Variants in AGMO observed in about 807,000 individuals in gnomAD.
AGMO encodes the protein glyceryl-ether monooxygenase.
AGMO carries 75 observed loss-of-function variants against 60.2 expected under a neutral mutation model. That is an observed-to-expected ratio of 1.25 (90% CI 1.03 to 1.51). The LOEUF is 1.51. Among genes scored for constraint, AGMO ranks in the 40% most tolerant of loss-of-function variants. The pLI, the probability that AGMO is intolerant of heterozygous loss-of-function variation, is 0.00. For synonymous variants in AGMO, 261 were observed against 177.1 expected (o/e 1.47, Z -3.76); for missense variants, 763 against 525.5 (o/e 1.45, Z -4.42).
chr7:15,323,688 C>G (rs1397780218), intron 12 of AGMO, among the ~76,000 whole-genome samples: 2 of 152,178 alleles, frequency 1.3e-5, no homozygotes, highest in Non-Finnish European at 2.9e-5. Flanking sequence ...TTTGCCAGAG[C>G]AAAGGGCTAT....
At chr7:15,336,429 G>GA (rs944902139) in intron 12 of AGMO, among the ~76,000 whole-genome samples, 31 of 142,046 alleles carry the variant, frequency 2.2e-4, no homozygotes, top group Admixed American at 3.5e-4. Flanking sequence ...AAAAAAAAAA[G>GA]AAAAAAAAAC....
intron 10 of AGMO, among the ~76,000 whole-genome samples, chr7:15,382,314 A>G (rs1011880171): frequency 6.6e-6 from 1 of 152,134 alleles, no homozygotes; most frequent in Non-Finnish European, 1.5e-5. Flanking sequence ...TTTTGTACTA[A>G]TACTGTGCTG....
At chr7:15,238,833 G>A (rs763192066) in intron 12 of AGMO, among the ~76,000 whole-genome samples, 6 of 152,000 alleles carry the variant, frequency 3.9e-5, no homozygotes, top group Non-Finnish European at 7.4e-5. Context: ...AGTATAGTCA[G>A]ATTTGAAATA....
intron 3 of AGMO, among the ~76,000 whole-genome samples, chr7:15,434,444 T>C (rs1267466511): frequency 2.0e-5 from 3 of 152,118 alleles, no homozygotes; most frequent in African/African-American, 4.8e-5. Context: ...AAGAAGACAG[T>C]AGCTTGTGTC....
At chr7:15,351,498 CCT>C (rs779531803) in intron 12 of AGMO, among the ~76,000 whole-genome samples, 5 of 151,934 alleles carry the variant, frequency 3.3e-5, no homozygotes, top group Admixed American at 2.6e-4. Context: ...TGTAAAATTG[CCT>C]CTGATTTTTA....
chr7:15,322,341 G>A (rs11772206), intron 12 of AGMO, among the ~76,000 whole-genome samples: 103,310 of 142,510 alleles, frequency 0.72, 37,656 homozygotes, highest in Admixed American at 0.83. Flanking sequence ...TGCCATACCA[G>A]TTGGGAAAAC....
rs567148075 is a variant in AGMO, at chr7:15,348,150, G to A, written c.1263+17364C>T. 2.7e-4 allele frequency among the ~76,000 whole-genome samples: 41 copies of A among 152,106 alleles called. 1 individual carries two copies. The South Asian group carries it at 7.3e-3, about 27-fold the overall frequency. ...AAGAACACAGAATCCCTATTGACAT[G>A]TAATCCAAAAGGAACAGTTTAGCAC... On this transcript the variant is annotated intron_variant, in intron 12 of 12. Coordinates refer to ENST00000342526, the MANE Select transcript of AGMO (RefSeq NM_001004320.2).
chr7:15,298,405 T>A (rs1459464735), intron 12 of AGMO, among the ~76,000 whole-genome samples: 1 of 152,090 alleles, frequency 6.6e-6, no homozygotes, highest in African/African-American at 2.4e-5. Context: ...CTGTGTGTGT[T>A]TGTTTTTGAG....
intron 6 of AGMO, among the ~76,000 whole-genome samples, chr7:15,393,554 T>G (rs896483997): frequency 1.3e-5 from 2 of 152,254 alleles, no homozygotes; most frequent in African/African-American, 4.8e-5. Flanking sequence ...GGGCTTGGGG[T>G]ACACAATGTA....
intron 12 of AGMO, among the ~76,000 whole-genome samples, chr7:15,208,614 C>G (rs1256912234): frequency 2.0e-5 from 3 of 152,112 alleles, no homozygotes; most frequent in Non-Finnish European, 4.4e-5. Context: ...TAGTGATGGG[C>G]AAACCATTCA....
At chr7:15,459,455 T>C (rs948293614) in intron 3 of AGMO, among the ~76,000 whole-genome samples, 1 of 152,136 alleles carries the variant, frequency 6.6e-6, no homozygotes, top group African/African-American at 2.4e-5. Context: ...TTCCGAATGC[T>C]CTCATTTCCT....
chr7:15,364,719 C>G (rs1312354699), intron 12 of AGMO, among the ~76,000 whole-genome samples: 1 of 151,992 alleles, frequency 6.6e-6, no homozygotes, highest in Non-Finnish European at 1.5e-5. Flanking sequence ...GGAGTTGTTT[C>G]AATTCATAAT....
chr7:15,139,129 T>C, the AGMO span, among the ~76,000 whole-genome samples: 2 of 152,216 alleles, frequency 1.3e-5, no homozygotes, highest in African/African-American at 4.8e-5. Context: ...CATGTTATTA[T>C]TCTTATCACA....
chr7:15,287,384 T>C (rs1397439239), intron 12 of AGMO, among the ~76,000 whole-genome samples: 2 of 152,184 alleles, frequency 1.3e-5, no homozygotes, highest in Non-Finnish European at 2.9e-5. Context: ...CACCGATATG[T>C]CCTCCTCACC....
At chr7:15,252,720 G>A (rs147127477) in intron 12 of AGMO, among the ~76,000 whole-genome samples, 114 of 152,332 alleles carry the variant, frequency 7.5e-4, no homozygotes, top group Middle Eastern at 3.4e-3. Context: ...TTAAGAACTT[G>A]TGATTCTTGA....
intron 12 of AGMO, among the ~76,000 whole-genome samples, chr7:15,363,831 C>T (rs112193343): frequency 0.018 from 2,671 of 152,092 alleles, 71 homozygotes; most frequent in African/African-American, 0.06. Flanking sequence ...CACCATAAAC[C>T]TAAGAGTACT....
intron 12 of AGMO, among the ~76,000 whole-genome samples, chr7:15,312,410 G>A (rs1311946021): frequency 6.6e-6 from 1 of 152,020 alleles, no homozygotes; most frequent in Admixed American, 6.6e-5. Flanking sequence ...TTTCCTTTAA[G>A]TAATTGAGTG....
intron 3 of AGMO, among the ~76,000 whole-genome samples, chr7:15,475,217 A>T (rs1353154907): frequency 6.6e-6 from 1 of 152,346 alleles, no homozygotes; most frequent in Non-Finnish European, 1.5e-5. Flanking sequence ...ATTATAAATC[A>T]TTCTACTATA....
At chr7:15,139,777 C>G in the AGMO span, among the ~76,000 whole-genome samples, 1 of 148,700 alleles carries the variant, frequency 6.7e-6, no homozygotes. Context: ...CACCACTGCA[C>G]TCCAGCCTGG....
Sources: allele counts gnomAD v4.1 joint callset (sites outside exome capture counted in the v4.1 genomes callset), GRCh38; gene constraint gnomAD v4.1.1; transcripts MANE v1.5; gene names NCBI Gene and HGNC (gene_info 2026-07-23, HGNC 2026-07-21).